The following ARSK variants were observed in gnomAD, a reference collection of about 807,000 sequenced individuals.
ARSK encodes arylsulfatase K.
A neutral mutation model predicts 53.2 loss-of-function variants in ARSK; 37 were observed. The observed-to-expected ratio is 0.70, with a 90% CI of 0.54 to 0.92. The LOEUF is 0.92. Among genes scored for constraint, ARSK ranks in the 40% least tolerant of loss-of-function variants. The probability of loss-of-function intolerance (pLI) is 0.00; values close to 1 mark genes in which losing one functional copy is unlikely to be tolerated. For missense variants in ARSK, 613 were observed against 643.0 expected, an observed-to-expected ratio of 0.95 and a Z score of 0.51; for synonymous variants, 208 against 223.2, an observed-to-expected ratio of 0.93 and a Z score of 0.61.
At chr5:95,597,430 ATAT>A (rs1051954331) in intron 6 of ARSK, among the ~76,000 whole-genome samples, 6 of 152,196 alleles carry the variant, frequency 3.9e-5, no homozygotes, top group Non-Finnish European at 5.9e-5. Context: ...TGGCTGAGGA[ATAT>A]TATGAAGTTG....
intron 1 of ARSK, among the ~76,000 whole-genome samples, chr5:95,558,216 T>A (rs549068238): frequency 2.6e-5 from 4 of 152,226 alleles, no homozygotes; most frequent in Non-Finnish European, 5.9e-5. Context: ...GGACAGAGGC[T>A]TTATGCCAAG....
chr5:95,582,749 T>G (rs1749038772), intron 3 of ARSK, among the ~76,000 whole-genome samples, 167 bp from the exon 4 acceptor site: 1 of 152,230 alleles, frequency 6.6e-6, no homozygotes, highest in Non-Finnish European at 1.5e-5. Context: ...TTATTTTAAT[T>G]TGTAATGCTC....
chr5:95,567,535 C>A (rs528125757), intron 2 of ARSK, among the ~76,000 whole-genome samples: 4 of 152,286 alleles, frequency 2.6e-5, no homozygotes, highest in Non-Finnish European at 5.9e-5. Flanking sequence ...ATCTGTACTT[C>A]AATTGTCTGA....
intron 6 of ARSK, among the ~76,000 whole-genome samples, chr5:95,594,965 G>A (rs557280251): frequency 2.0e-5 from 3 of 152,178 alleles, no homozygotes; most frequent in Non-Finnish European, 2.9e-5. Context: ...ATGTGCATAC[G>A]TTTTGACCTA....
intron 1 of ARSK, 114 bp from the exon 2 acceptor site, chr5:95,565,884 G>C: frequency 1.0e-6 from 1 of 1,004,154 alleles, no homozygotes; most frequent in Non-Finnish European, 1.4e-6. Flanking sequence ...TTTATCTTTG[G>C]AGGATTCTTA....
intron 1 of ARSK, among the ~76,000 whole-genome samples, chr5:95,559,541 C>G (rs1001754085): frequency 1.3e-5 from 2 of 152,112 alleles, no homozygotes; most frequent in Non-Finnish European, 2.9e-5. Context: ...AATTTGTCCC[C>G]AAAATGTACA....
At chr5:95,590,995 CAG>C (rs1319365222) in intron 5 of ARSK, among the ~76,000 whole-genome samples, 1 of 152,124 alleles carries the variant, frequency 6.6e-6, no homozygotes, top group Non-Finnish European at 1.5e-5. Context: ...TCCTGTTGCA[CAG>C]AAACTGTGGG....
chr5:95,577,029 A>G (rs1253719969), intron 3 of ARSK, among the ~76,000 whole-genome samples: 2 of 152,244 alleles, frequency 1.3e-5, no homozygotes, highest in Non-Finnish European at 2.9e-5. Context: ...CAGGCTAGAA[A>G]GGGAGTTAAA....
chr5:95,572,263 G>T (rs191481940), intron 3 of ARSK, among the ~76,000 whole-genome samples: 73 of 152,226 alleles, frequency 4.8e-4, no homozygotes, highest in African/African-American at 1.7e-3. Flanking sequence ...ATTTACTGAT[G>T]ATAAGACCTT....
Position 95,599,614 on chromosome 5 carries a change from C to T in ARSK, c.1097-1233C>T, listed in dbSNP as rs1749364491. Among the ~76,000 whole-genome samples the T allele has an allele frequency of 1.3e-5, 2 of 152,178 alleles. 1 individual carries two copies. The highest frequency in any genetic ancestry group is 4.1e-4 in the South Asian group (2 of 4,832). ...TCTTTTTGTTTTTAACCAGTCACCT[C>T]TGAAATACTCCTCTCTTCTTTCTTT... On this transcript the variant is annotated intron_variant, in intron 6 of 7. Coordinates refer to ENST00000380009, the MANE Select transcript of ARSK (RefSeq NM_198150.3).
intron 1 of ARSK, chr5:95,556,281 T>C: frequency 1.4e-6 from 1 of 700,822 alleles, no homozygotes; most frequent in Middle Eastern, 2.3e-4. Flanking sequence ...AAAGTTATCT[T>C]TGTGATTTAA....
Position 95,603,544 on chromosome 5 carries a change from A to C in ARSK, c.*18A>C. The stretch of plus-strand genomic sequence containing the variant: ...CAGTTTGAACAAAAAGTTTAAAAAT[A>C]GTGTTCTAGAGATACATATAAATAT... On this transcript the variant is annotated 3_prime_UTR_variant, in exon 8 of 8. Coordinates refer to ENST00000380009, the MANE Select transcript of ARSK (RefSeq NM_198150.3). 6.5e-7 allele frequency: 1 copy of C among 1,538,880 alleles called. No homozygotes were observed. Among genetic ancestry groups the C allele is most frequent in the Non-Finnish European group, 8.8e-7 (1 of 1,141,630 alleles).
At chr5:95,571,637 T>A (rs1030502203) in intron 3 of ARSK, among the ~76,000 whole-genome samples, 3 of 152,200 alleles carry the variant, frequency 2.0e-5, no homozygotes, top group Non-Finnish European at 4.4e-5. Context: ...AACACTTAGA[T>A]GTTGATGTTT....
At chr5:95,573,581 A>G (rs1456184975) in intron 3 of ARSK, among the ~76,000 whole-genome samples, 2 of 152,222 alleles carry the variant, frequency 1.3e-5, no homozygotes, top group African/African-American at 4.8e-5. Context: ...GAGAAATTAA[A>G]CAAGCTGCTG....
intron 1 of ARSK, among the ~76,000 whole-genome samples, chr5:95,560,679 C>CA (rs1002014257): frequency 9.6e-5 from 14 of 146,520 alleles, no homozygotes; most frequent in East Asian, 4.0e-4. Flanking sequence ...CACAAACACA[C>CA]AAAAAAAAAC....
At chr5:95,576,471 A>G (rs1748926418) in intron 3 of ARSK, among the ~76,000 whole-genome samples, 1 of 151,936 alleles carries the variant, frequency 6.6e-6, no homozygotes, top group South Asian at 2.1e-4. Context: ...TGCTGGGATT[A>G]CAGGTGTGAG....
At chr5:95,576,221 A>C (rs1421262650) in intron 3 of ARSK, among the ~76,000 whole-genome samples, 1 of 101,758 alleles carries the variant, frequency 9.8e-6, no homozygotes. Flanking sequence ...TTTTTTTGAG[A>C]TGGATTCTTG....
In ARSK at chr5:95,573,969, A is replaced by AT. The variant is rs971999557; in HGVS notation, c.416+5929dup. On this transcript the variant is annotated intron_variant, in intron 3 of 7. Transcript: ENST00000380009. ...TCAAATATTAGATCTTATCCTTTCC[A>AT]TTTTTTTTTCTACCCATTAATCATT... Among the ~76,000 whole-genome samples, 64 of 150,608 alleles carry AT rather than the reference A, an allele frequency of 4.2e-4. No individual in the cohort carries two copies. In the East Asian group the frequency reaches 0.011, roughly 25 times the overall value.
At chr5:95,558,866 C>T (rs879702430) in intron 1 of ARSK, among the ~76,000 whole-genome samples, 4 of 152,168 alleles carry the variant, frequency 2.6e-5, no homozygotes, top group South Asian at 2.1e-4. Context: ...TTTGGCCGGG[C>T]GCGGTGGCTC....
Sources: gnomAD v4.1 joint callset for allele counts (sites outside exome capture counted in the v4.1 genomes callset) on GRCh38, gnomAD v4.1.1 for gene constraint, MANE v1.5 for transcripts, NCBI Gene and HGNC (gene_info 2026-07-23, HGNC 2026-07-21) for gene names.